SMARCAL1: variants seen among roughly 807,000 people sequenced by gnomAD.
The protein encoded by SMARCAL1 is ATP-driven annealing helicase.
A neutral mutation model predicts 94.5 loss-of-function variants in SMARCAL1; 58 were observed. The observed-to-expected ratio is 0.61, with a 90% CI of 0.50 to 0.76. The LOEUF is 0.76. Ranked by LOEUF, SMARCAL1 falls within the 30% of genes least tolerant of loss-of-function variation. SMARCAL1 has a pLI of 0.00. For synonymous variants in SMARCAL1, 422 were observed against 455.1 expected (o/e 0.93, Z 0.93); for missense variants, 1,051 against 1,177.9 (o/e 0.89, Z 1.58).
Position 216,428,706 on chromosome 2 carries a change from G to T in SMARCAL1, c.1258G>T (p.Val420Phe). The change falls in exon 7 of 18, where the codon GTC becomes TTC. Residue 420 changes from valine to phenylalanine, a missense_variant. Around this residue, in one of 3 missense-constraint regions of SMARCAL1, gnomAD observed 642 missense variants for 754.7 expected, o/e 0.85. Coordinates refer to ENST00000357276, the MANE Select transcript of SMARCAL1 (RefSeq NM_014140.4). ...GACATCTCTCAGTCTCACGCCAGATGTCCCAGAGGCAGACCTTTCTGAAGT... is the reference window on the plus strand; with the variant it reads ...GACATCTCTCAGTCTCACGCCAGATTTCCCAGAGGCAGACCTTTCTGAAGT... Reference protein sequence around the residue: ...KKTSLSLTPDVPEADLSEVDP... With the variant: ...KKTSLSLTPDFPEADLSEVDP... The T allele has an allele frequency of 6.2e-7, 1 of 1,614,184 alleles. No individual in the cohort carries two copies.
intron 14 of SMARCAL1, among the ~76,000 whole-genome samples, chr2:216,470,185 C>G (rs1694930737): frequency 6.6e-6 from 1 of 152,006 alleles, no homozygotes; most frequent in Non-Finnish European, 1.5e-5. Flanking sequence ...GGGTCTCGCT[C>G]CGTTGCCCGG....
intron 3 of SMARCAL1, 27 bp from the exon 4 acceptor site, chr2:216,416,230 A>C (rs758102337): frequency 1.2e-6 from 2 of 1,608,038 alleles, no homozygotes; most frequent in Non-Finnish European, 1.7e-6. Flanking sequence ...AATTGTCAAC[A>C]GTCATCAGTC....
intron 5 of SMARCAL1, among the ~76,000 whole-genome samples, chr2:216,421,135 A>G (rs1422976106): frequency 1.3e-5 from 2 of 152,088 alleles, no homozygotes; most frequent in African/African-American, 4.8e-5. Context: ...CTTCAAAAGC[A>G]CCGATGCCTG....
intron 10 of SMARCAL1, among the ~76,000 whole-genome samples, chr2:216,439,654 G>T (rs185913653): frequency 6.6e-6 from 1 of 152,314 alleles, no homozygotes; most frequent in East Asian, 1.9e-4. Context: ...CAAAACACAC[G>T]TAAGTGTCCA....
At chr2:216,457,854 A>T (rs951619347) in intron 12 of SMARCAL1, among the ~76,000 whole-genome samples, 2 of 152,220 alleles carry the variant, frequency 1.3e-5, no homozygotes, top group East Asian at 1.9e-4. Context: ...ACTGAAGGAG[A>T]TAGAGACACA....
chr2:216,421,384 G>A (rs1193449448), intron 5 of SMARCAL1, among the ~76,000 whole-genome samples: 1 of 152,096 alleles, frequency 6.6e-6, no homozygotes, highest in Non-Finnish European at 1.5e-5. Flanking sequence ...CGCAACCTCT[G>A]CCTCCCGGGT....
chr2:216,470,346 G>A (rs537510802), intron 14 of SMARCAL1, among the ~76,000 whole-genome samples: 1 of 151,878 alleles, frequency 6.6e-6, no homozygotes, highest in Non-Finnish European at 1.5e-5. Context: ...GTAGAGACGG[G>A]GTTCCACCAT....
At chr2:216,473,490 T>C (rs1695009035) in intron 14 of SMARCAL1, among the ~76,000 whole-genome samples, 1 of 152,050 alleles carries the variant, frequency 6.6e-6, no homozygotes, top group Admixed American at 6.6e-5. Flanking sequence ...CATATCCTTT[T>C]AGGAAAAATT....
chr2:216,459,067 T>C (rs1266804057), intron 12 of SMARCAL1, among the ~76,000 whole-genome samples: 1 of 152,078 alleles, frequency 6.6e-6, no homozygotes, highest in African/African-American at 2.4e-5. Flanking sequence ...AAATCTTGAG[T>C]GAACTCCCAT....
At chr2:216,479,969 C>A (rs1207097059) in intron 17 of SMARCAL1, among the ~76,000 whole-genome samples, 2 of 152,110 alleles carry the variant, frequency 1.3e-5, no homozygotes, top group Admixed American at 1.3e-4. Context: ...GGAGGATTCC[C>A]TGAACCTGGG....
At position 216,475,945 on chromosome 2, in the gene SMARCAL1, A is replaced by AT. The variant is rs1374172652; in HGVS notation, c.2427+495dup. Among the ~76,000 whole-genome samples the AT allele has an allele frequency of 1.3e-5, 2 of 151,816 alleles. No individual in the cohort carries two copies. The highest frequency in any genetic ancestry group is 1.3e-4 in the Admixed American group (2 of 15,224). Reference sequence around the variant, plus strand: ...AGGGGTGAGGCAGGACTGCACTGCCATAACTGAAGAGGGCACTTGGTGGCA... The same window carrying AT: ...AGGGGTGAGGCAGGACTGCACTGCCATTAACTGAAGAGGGCACTTGGTGGCA... On this transcript the variant is annotated intron_variant, in intron 15 of 17. Transcript: ENST00000357276. The surrounding 1 kb of genome is among the most constrained non-coding windows in gnomAD (Gnocchi z 4.4).
rs572052243 is a variant in SMARCAL1, at chr2:216,448,104, G to A, written c.1851+946G>A. Among the ~76,000 whole-genome samples, 5 of 152,308 alleles carry A rather than the reference G, an allele frequency of 3.3e-5. No individual in the cohort carries two copies. In the South Asian group the frequency reaches 1.0e-3, roughly 32 times the overall value. On this transcript the variant is annotated intron_variant, in intron 11 of 17. Coordinates refer to ENST00000357276, the MANE Select transcript of SMARCAL1 (RefSeq NM_014140.4). ...ACATTCAAACGAAGTACTTATAATG[G>A]AAATTGTAGTCCTTAGCATAGTTAA... is the stretch of plus-strand genomic sequence containing the variant.
In SMARCAL1 at chr2:216,414,982, A is replaced by T; in HGVS notation, c.278A>T (p.Gln93Leu). Residue 93 changes from glutamine to leucine, a missense_variant, in exon 3 of 18, where the codon CAG becomes CTG. Around this residue, in one of 3 missense-constraint regions of SMARCAL1, gnomAD observed 398 missense variants for 395.2 expected, o/e 1.01. Transcript: ENST00000357276. ...AGACCTCATGATTCCCACAGTTTTC[A>T]GGCAAAGGGAATATGGAAAAAGCCA... ...DQRPHDSHSF[Q>L]AKGIWKKPEE... 1 of 1,614,236 alleles carries T rather than the reference A, an allele frequency of 6.2e-7. No homozygotes were observed. Among genetic ancestry groups the T allele is most frequent in the Non-Finnish European group, 8.5e-7 (1 of 1,180,042 alleles).
chr2:216,437,837 A>G (rs1694111543), intron 9 of SMARCAL1, among the ~76,000 whole-genome samples: 2 of 152,256 alleles, frequency 1.3e-5, no homozygotes, highest in Admixed American at 1.3e-4. Flanking sequence ...AGAGTGGTTA[A>G]TCAGACTTCA....
At chr2:216,422,435 G>A (rs1430391732) in intron 5 of SMARCAL1, among the ~76,000 whole-genome samples, 1 of 152,136 alleles carries the variant, frequency 6.6e-6, no homozygotes, top group South Asian at 2.1e-4. Context: ...CTCCTGACAT[G>A]GTCTGCATTC....
chr2:216,460,596 A>C (rs1233568504), intron 12 of SMARCAL1, among the ~76,000 whole-genome samples: 1 of 150,106 alleles, frequency 6.7e-6, no homozygotes, highest in African/African-American at 2.4e-5. Context: ...ACAAAAAACC[A>C]AACACTGCAT....
In SMARCAL1 at chr2:216,428,773, C is replaced by T; in HGVS notation, c.1325C>T (p.Ala442Val). 6.2e-7 allele frequency: 1 copy of T among 1,614,056 alleles called. No individual in the cohort carries two copies. Among genetic ancestry groups the T allele is most frequent in the Non-Finnish European group, 8.5e-7 (1 of 1,179,902 alleles). Residue 442 changes from alanine (A) to valine (V), a missense_variant, in exon 7 of 18, where the codon GCT becomes GTT. Physicochemically the swap from Ala to Val is moderately conservative, Grantham distance 64. Around this residue, in one of 3 missense-constraint regions of SMARCAL1, gnomAD observed 642 missense variants for 754.7 expected, o/e 0.85. Coordinates refer to ENST00000357276, the MANE Select transcript of SMARCAL1 (RefSeq NM_014140.4). ...TCTAATCTGATGCCCTTTCAGAGAGCTGGAGTCAAGTAGGTTCTTGATCTT... is the reference window on the plus strand; with the variant it reads ...TCTAATCTGATGCCCTTTCAGAGAGTTGGAGTCAAGTAGGTTCTTGATCTT... ...LVSNLMPFQR[A>V]GVNFAIAKGG...
In SMARCAL1 at chr2:216,447,178, TC is replaced by T; in HGVS notation, c.1851+23del. The T allele has an allele frequency of 1.8e-6, 2 of 1,091,940 alleles. No individual in the cohort carries two copies. The highest frequency in any genetic ancestry group is 2.7e-6 in the Non-Finnish European group (2 of 741,216). The allele number at this position is 1,091,940 out of a possible 1,614,324, so 67.6% of individuals were successfully genotyped here. ...AAACGGGTATGTATTATCTCTTCCC[TC>T]CCAGCCCACCCATTTCTCACCCTGA... On this transcript the variant is annotated intron_variant, in intron 11 of 17. Transcript: ENST00000357276.
chr2:216,430,659 A>G (rs909773908), intron 7 of SMARCAL1, among the ~76,000 whole-genome samples: 5 of 152,152 alleles, frequency 3.3e-5, no homozygotes, highest in Non-Finnish European at 5.9e-5. Context: ...GGCAGGGGAA[A>G]AAGGAGAGAA....
Sources: allele counts gnomAD v4.1 joint callset (sites outside exome capture counted in the v4.1 genomes callset), GRCh38; gene constraint gnomAD v4.1.1; regional missense constraint gnomAD v4.1.1; non-coding constraint Gnocchi (gnomAD v3.1); transcripts MANE v1.5; gene names NCBI Gene and HGNC (gene_info 2026-07-23, HGNC 2026-07-21).